MOB3B: variants seen among roughly 807,000 people sequenced by gnomAD.
MOB3B encodes MOB kinase activator-like 2B.
Under a neutral mutation model 18.7 loss-of-function variants are expected in MOB3B, and 7 were observed. The ratio of observed to expected loss-of-function variants is 0.37; its 90% CI spans 0.21 to 0.70. The LOEUF is 0.70. Among genes scored for constraint, MOB3B ranks in the 30% least tolerant of loss-of-function variants. MOB3B has a pLI of 0.52. For synonymous variants in MOB3B, 111 were observed against 99.9 expected (o/e 1.11, Z -0.66); for missense variants, 253 against 281.3 (o/e 0.90, Z 0.72).
chr9:27,451,336 C>T lies in MOB3B; in HGVS notation c.418+3797G>A, dbSNP rs567466769. On this transcript the variant is annotated intron_variant, in intron 2 of 3. Coordinates refer to ENST00000262244, the MANE Select transcript of MOB3B (RefSeq NM_024761.5). ...GCTCTTTCAAGGGCTTTCACAGGGA[C>T]ATCTGTTGGGTTTGTAATAAAAGAA... Among the ~76,000 whole-genome samples the T allele has an allele frequency of 3.5e-4, 53 of 152,230 alleles. 1 individual carries two copies. Among genetic ancestry groups the T allele is most frequent in the Non-Finnish European group, 5.7e-4 (39 of 68,012 alleles).
intron 2 of MOB3B, among the ~76,000 whole-genome samples, chr9:27,409,279 C>T (rs764219128): frequency 6.2e-4 from 94 of 152,196 alleles, no homozygotes; most frequent in Admixed American, 9.8e-4. Context: ...GGTGTTTAAA[C>T]CCAAAGCTGC....
intron 1 of MOB3B, among the ~76,000 whole-genome samples, chr9:27,485,379 C>T (rs1441364117): frequency 1.3e-5 from 2 of 152,206 alleles, no homozygotes; most frequent in African/African-American, 2.4e-5. Flanking sequence ...CTGAAACCCA[C>T]CTCTGCTGGC....
chr9:27,433,633 T>C (rs1367356508), intron 2 of MOB3B, among the ~76,000 whole-genome samples: 1 of 152,080 alleles, frequency 6.6e-6, no homozygotes, highest in Admixed American at 6.6e-5. Flanking sequence ...TCTGAAAAAA[T>C]TCCTGGAAGA....
At chr9:27,475,386 T>A (rs892166921) in intron 1 of MOB3B, among the ~76,000 whole-genome samples, 2 of 152,260 alleles carry the variant, frequency 1.3e-5, no homozygotes, top group African/African-American at 4.8e-5. Flanking sequence ...AACGTTGTTG[T>A]TTTTAAACCA....
At chr9:27,362,954 C>T (rs1400671237) in intron 2 of MOB3B, among the ~76,000 whole-genome samples, 1 of 152,160 alleles carries the variant, frequency 6.6e-6, no homozygotes. Context: ...GGCGAGACCT[C>T]GGATGTCCAC....
chr9:27,425,602 C>T (rs945838844), intron 2 of MOB3B, among the ~76,000 whole-genome samples: 10 of 152,088 alleles, frequency 6.6e-5, no homozygotes, highest in Non-Finnish European at 7.4e-5. Context: ...ATAAAGAATA[C>T]AAATAGTTTC....
intron 1 of MOB3B, among the ~76,000 whole-genome samples, chr9:27,517,352 C>A (rs923257246): frequency 6.6e-6 from 1 of 151,984 alleles, no homozygotes; most frequent in African/African-American, 2.4e-5. Context: ...TTATACAATT[C>A]TATCAAGAGG....
intron 2 of MOB3B, among the ~76,000 whole-genome samples, chr9:27,416,611 G>A (rs550683223): frequency 3.0e-5 from 4 of 133,828 alleles, no homozygotes; most frequent in Middle Eastern, 4.9e-3. Flanking sequence ...GGAGTGGAAT[G>A]CCTTGACCTC....
intron 1 of MOB3B, among the ~76,000 whole-genome samples, chr9:27,489,741 C>CTTTTTTTTTTTTTTTTTTTTTTTTTT (rs66757462): frequency 5.5e-5 from 4 of 73,116 alleles, no homozygotes; most frequent in Non-Finnish European, 1.0e-4. Flanking sequence ...AGGAAATAAT[C>CTTTTTTTTTTTTTTTTTTTTTTTTTT]TTTTTTTTTT....
intron 1 of MOB3B, among the ~76,000 whole-genome samples, chr9:27,476,262 T>G (rs1217051876): frequency 1.3e-5 from 2 of 152,224 alleles, no homozygotes; most frequent in East Asian, 3.8e-4. Context: ...GTCTCAGTTT[T>G]GGAGACAAGA....
chr9:27,345,183 T>A (rs553779649), intron 3 of MOB3B, among the ~76,000 whole-genome samples: 4 of 152,248 alleles, frequency 2.6e-5, no homozygotes, highest in Admixed American at 2.0e-4. Context: ...ACACTTTGCT[T>A]CATATGCTTG....
intron 1 of MOB3B, among the ~76,000 whole-genome samples, chr9:27,522,302 C>T (rs1486123562): frequency 6.9e-6 from 1 of 145,256 alleles, no homozygotes; most frequent in African/African-American, 2.5e-5. Flanking sequence ...AATACTTGCT[C>T]ACCACAGAAA....
chr9:27,444,731 T>C (rs1822664492), intron 2 of MOB3B, among the ~76,000 whole-genome samples: 1 of 152,188 alleles, frequency 6.6e-6, no homozygotes, highest in African/African-American at 2.4e-5. Flanking sequence ...GAGGGTGACT[T>C]TGAAAGAAGA....
At chr9:27,410,529 C>G (rs1305939329) in intron 2 of MOB3B, among the ~76,000 whole-genome samples, 1 of 151,600 alleles carries the variant, frequency 6.6e-6, no homozygotes, top group East Asian at 1.9e-4. Flanking sequence ...TGTAAGAGCT[C>G]AGTTGTTCCT....
intron 2 of MOB3B, among the ~76,000 whole-genome samples, chr9:27,396,513 C>A (rs1321118775): frequency 6.6e-6 from 1 of 152,186 alleles, no homozygotes; most frequent in East Asian, 1.9e-4. Context: ...TTGCTTGCAA[C>A]CAAGGAGCCC....
At chr9:27,358,035 G>C (rs1302386682) in intron 3 of MOB3B, among the ~76,000 whole-genome samples, 2 of 151,738 alleles carry the variant, frequency 1.3e-5, no homozygotes, top group East Asian at 3.9e-4. Flanking sequence ...TTGCACTCCA[G>C]ACTGGGAGAC....
chr9:27,391,045 T>G (rs4606152), intron 2 of MOB3B, among the ~76,000 whole-genome samples: 45,235 of 152,046 alleles, frequency 0.3, 7,858 homozygotes, highest in East Asian at 0.78. Flanking sequence ...TATAGCAGCC[T>G]GAACAGAATA....
At position 27,430,581 on chromosome 9, in the gene MOB3B, A is replaced by G. The variant is rs1822403169; in HGVS notation, c.418+24552T>C. Reference sequence around the variant, plus strand: ...TTTGAAAAATATAAAAAGGTTTGAAACCACTAAAATAGTGTGTCTGCATCA... The same window carrying G: ...TTTGAAAAATATAAAAAGGTTTGAAGCCACTAAAATAGTGTGTCTGCATCA... On this transcript the variant is annotated intron_variant, in intron 2 of 3. Coordinates refer to ENST00000262244, the MANE Select transcript of MOB3B (RefSeq NM_024761.5). 2.6e-5 allele frequency among the ~76,000 whole-genome samples: 4 copies of G among 152,314 alleles called. No individual in the cohort carries two copies. The South Asian group carries it at 8.3e-4, about 32-fold the overall frequency.
intron 3 of MOB3B, among the ~76,000 whole-genome samples, chr9:27,340,720 G>A (rs1820927923): frequency 6.6e-6 from 1 of 152,180 alleles, no homozygotes; most frequent in Non-Finnish European, 1.5e-5. Context: ...TGCTCAGACT[G>A]ATGCTACCTG....
Sources: gnomAD v4.1 joint callset for allele counts (sites outside exome capture counted in the v4.1 genomes callset) on GRCh38, gnomAD v4.1.1 for gene constraint, MANE v1.5 for transcripts, NCBI Gene and HGNC (gene_info 2026-07-23, HGNC 2026-07-21) for gene names.